Variants in ZNF710 observed in about 807,000 individuals in gnomAD.
ZNF710 encodes the protein zinc finger protein 710.
In ZNF710, 13 loss-of-function variants were observed where a neutral mutation model predicts 50.6. That is an observed-to-expected ratio of 0.26 (90% CI 0.17 to 0.41). ZNF710 has a LOEUF of 0.41. ZNF710 is among the 10% of genes least tolerant of loss of function. The pLI, the probability that ZNF710 is intolerant of heterozygous loss-of-function variation, is 1.00. For missense variants in ZNF710, 721 were observed against 936.6 expected (o/e 0.77, Z 3.01); for synonymous variants, 383 against 397.0 (o/e 0.96, Z 0.42).
chr15:90,013,201 A>G (rs894626489), intron 1 of ZNF710, among the ~76,000 whole-genome samples: 1 of 152,072 alleles, frequency 6.6e-6, no homozygotes, highest in Non-Finnish European at 1.5e-5. Flanking sequence ...CCCGGGTTCA[A>G]GTGATTCTCC....
chr15:90,001,469 G>T lies in ZNF710; in HGVS notation c.-174G>T. 1.3e-5 allele frequency: 2 copies of T among 152,158 alleles called. No individual in the cohort carries two copies. Among genetic ancestry groups the T allele is most frequent in the South Asian group, 3.8e-4 (2 of 5,196 alleles). The allele number at this position is 152,158 out of a possible 1,614,324, so 9.4% of individuals were successfully genotyped here. On this transcript the variant is annotated 5_prime_UTR_variant, in exon 1 of 5. In the 5' UTR this introduces an upstream ATG that the reference lacks. Coordinates refer to ENST00000268154, the MANE Select transcript of ZNF710 (RefSeq NM_198526.4). Reference sequence around the variant, plus strand: ...GAGAGAAAGAGAGGAGCCGGAGGGAGGGCGGCAGGAGCAGGCGGCGGGCGC... The same window carrying T: ...GAGAGAAAGAGAGGAGCCGGAGGGATGGCGGCAGGAGCAGGCGGCGGGCGC...
chr15:90,075,440 T>C (rs1242683800), intron 4 of ZNF710: 1 of 152,220 alleles, frequency 6.6e-6, no homozygotes. Context: ...GAAGATCACT[T>C]GAGCCCAGGA....
intron 1 of ZNF710, among the ~76,000 whole-genome samples, chr15:90,032,832 G>A (rs1024437992): frequency 2.0e-5 from 3 of 151,518 alleles, no homozygotes; most frequent in African/African-American, 4.9e-5. Flanking sequence ...AGCTACTCAG[G>A]AGGCTAAAGC....
intron 1 of ZNF710, among the ~76,000 whole-genome samples, chr15:90,014,828 T>C (rs781612344): frequency 8.5e-5 from 13 of 152,108 alleles, no homozygotes; most frequent in Non-Finnish European, 1.9e-4. Flanking sequence ...ATGGAGCTCA[T>C]TTCCATTTCC....
chr15:90,011,297 G>A (rs929518803), intron 1 of ZNF710, among the ~76,000 whole-genome samples: 59 of 151,628 alleles, frequency 3.9e-4, no homozygotes, highest in Non-Finnish European at 1.0e-4. Context: ...TTTTTTAGAG[G>A]CAGTTCTGGC....
intron 1 of ZNF710, among the ~76,000 whole-genome samples, chr15:90,057,350 C>A (rs544929412): frequency 6.6e-6 from 1 of 152,234 alleles, no homozygotes; most frequent in African/African-American, 2.4e-5. Context: ...GGGCCTCCCA[C>A]TTGATTCACC....
chr15:90,077,175 T>C (rs1029027871), intron 4 of ZNF710, among the ~76,000 whole-genome samples: 8 of 151,082 alleles, frequency 5.3e-5, no homozygotes, highest in Admixed American at 6.6e-5. Flanking sequence ...GACGGGACCA[T>C]AGACTTAATA....
chr15:90,028,632 A>T (rs116152898), intron 1 of ZNF710, among the ~76,000 whole-genome samples: 1 of 152,296 alleles, frequency 6.6e-6, no homozygotes, highest in African/African-American at 2.4e-5. Flanking sequence ...TTCTGACACC[A>T]TCAAATTACC....
At chr15:90,041,892 ATT>A (rs71151548) in intron 1 of ZNF710, among the ~76,000 whole-genome samples, 1,769 of 110,498 alleles carry the variant, frequency 0.016, 25 homozygotes, top group East Asian at 0.056. Context: ...TTTGTTTTTG[ATT>A]TTTTTTTTTT....
chr15:90,026,263 C>CAAAAAAA lies in ZNF710; in HGVS notation c.-29+24651_-29+24652insAAAAAAA, dbSNP rs140942275. ...GAGAAAAAAAACAAAACAACAACAA[C>CAAAAAAA]AACAACAAAAAAAAAAAAGGGAATG... On this transcript the variant is annotated intron_variant, in intron 1 of 4. Coordinates refer to ENST00000268154, the MANE Select transcript of ZNF710 (RefSeq NM_198526.4). Among the ~76,000 whole-genome samples the CAAAAAAA allele has an allele frequency of 6.0e-5, 6 of 100,512 alleles. 1 individual carries two copies. The highest frequency in any genetic ancestry group is 1.3e-4 in the African/African-American group (3 of 23,032). The allele number at this position is 100,512 out of a possible 152,430, so 65.9% of individuals were successfully genotyped here.
At chr15:90,066,011 G>C in intron 1 of ZNF710, among the ~76,000 whole-genome samples, 1 of 152,162 alleles carries the variant, frequency 6.6e-6, no homozygotes, top group East Asian at 1.9e-4. Context: ...AGCTGTCAAG[G>C]AGCTCTTCTT....
upstream of ZNF710, among the ~76,000 whole-genome samples, chr15:89,999,214 T>A (rs1013555596): frequency 6.6e-6 from 1 of 152,192 alleles, no homozygotes; most frequent in Admixed American, 6.5e-5. Context: ...TTAGGAGCTT[T>A]CTTGGTTCAC....
chr15:90,065,563 G>C (rs1167106011), intron 1 of ZNF710, among the ~76,000 whole-genome samples: 1 of 151,360 alleles, frequency 6.6e-6, no homozygotes, highest in East Asian at 1.9e-4. Context: ...GGTGGGAGGA[G>C]CAGGGGTCAG....
chr15:90,019,346 T>C (rs1898548367), intron 1 of ZNF710, among the ~76,000 whole-genome samples: 1 of 152,200 alleles, frequency 6.6e-6, no homozygotes, highest in East Asian at 1.9e-4. Flanking sequence ...TTAGCTTGTT[T>C]CCTCTGTTTC....
At chr15:90,008,441 C>CGTGT (rs1220498890) in intron 1 of ZNF710, among the ~76,000 whole-genome samples, 3 of 126,512 alleles carry the variant, frequency 2.4e-5, no homozygotes, top group African/African-American at 1.1e-4. Flanking sequence ...TATATATATA[C>CGTGT]ATATATATAT....
chr15:89,999,919 G>C (rs561760165), upstream of ZNF710, among the ~76,000 whole-genome samples: 20 of 152,046 alleles, frequency 1.3e-4, no homozygotes, highest in East Asian at 3.5e-3. Context: ...GAGGAAGGAA[G>C]GGAAGGGAAG....
rs1022767815 is a variant in ZNF710, at chr15:90,062,183, C to G, written c.-28-4927C>G. Among the ~76,000 whole-genome samples the G allele has an allele frequency of 1.1e-4, 16 of 151,352 alleles. No individual in the cohort carries two copies. Among genetic ancestry groups the G allele is most frequent in the South Asian group, 4.2e-4 (2 of 4,760 alleles). On this transcript the variant is annotated intron_variant, in intron 1 of 4. Coordinates refer to ENST00000268154, the MANE Select transcript of ZNF710 (RefSeq NM_198526.4). The surrounding 1 kb of genome is among the most constrained non-coding windows in gnomAD (Gnocchi z 5.6). ...TCACTCAGGCTCCTCCTCTGCCCCC[C>G]CTTCCCTGTCTCTTCATTTCTTCTC... is the stretch of plus-strand genomic sequence containing the variant.
chr15:90,075,298 A>T (rs963408451), intron 4 of ZNF710: 1 of 152,272 alleles, frequency 6.6e-6, no homozygotes, highest in African/African-American at 2.4e-5. Context: ...AGGCAGGAGG[A>T]TCCCTTAAGG....
rs921695647 is a variant in ZNF710 at position 90,048,734 on chromosome 15, A to C, written c.-28-18376A>C. On this transcript the variant is annotated intron_variant, in intron 1 of 4. Transcript: ENST00000268154. ...CTTCTGAGCTACCTGGATGAGTTGT[A>C]AAATTTCAGAAAAGAGGTAGCATCT... Among the ~76,000 whole-genome samples, 23 of 152,186 alleles carry C rather than the reference A, an allele frequency of 1.5e-4. 1 individual carries two copies. The highest frequency in any genetic ancestry group is 5.3e-4 in the African/African-American group (22 of 41,446).
Sources: gnomAD v4.1 joint callset for allele counts (sites outside exome capture counted in the v4.1 genomes callset) on GRCh38, gnomAD v4.1.1 for gene constraint, Gnocchi (gnomAD v3.1) non-coding constraint, MANE v1.5 for transcripts, NCBI Gene and HGNC (gene_info 2026-07-23, HGNC 2026-07-21) for gene names.